LRPPRC: variants seen among roughly 807,000 people sequenced by gnomAD.
LRPPRC encodes the protein leucine-rich PPR motif-containing protein, mitochondrial.
A neutral mutation model predicts 180.3 loss-of-function variants in LRPPRC; 120 were observed. The observed-to-expected ratio is 0.67, with a 90% CI of 0.57 to 0.77. The LOEUF (loss-of-function observed/expected upper bound fraction) is 0.77, where lower values mean the gene tolerates loss of function less well. Ranked by LOEUF, LRPPRC falls within the 30% of genes least tolerant of loss-of-function variation. The pLI, the probability that LRPPRC is intolerant of heterozygous loss-of-function variation, is 0.00. For synonymous variants in LRPPRC, 723 were observed against 600.0 expected, an observed-to-expected ratio of 1.21 and a Z score of -3.00; for missense variants, 2,012 against 1,657.2, an observed-to-expected ratio of 1.21 and a Z score of -3.72.
At chr2:43,961,409 T>G (rs1673341983) in intron 12 of LRPPRC, among the ~76,000 whole-genome samples, 1 of 152,108 alleles carries the variant, frequency 6.6e-6, no homozygotes, top group Non-Finnish European at 1.5e-5. Context: ...CTCTGTCAAG[T>G]TAGGTGGATA....
chr2:43,938,417 G>C (rs114017980), intron 23 of LRPPRC, among the ~76,000 whole-genome samples: 1,957 of 152,218 alleles, frequency 0.013, 50 homozygotes, highest in African/African-American at 0.045. Context: ...TATGAGATAG[G>C]CTGGGTCCAG....
chr2:43,971,485 T>TAAAAAAAAAAA (rs528659622), intron 11 of LRPPRC, among the ~76,000 whole-genome samples: 716 of 62,348 alleles, frequency 0.011, 62 homozygotes, highest in African/African-American at 0.04. Context: ...TGTGTCACAG[T>TAAAAAAAAAAA]AAAAAAAAAA....
chr2:43,932,122 T>C (rs1198501905), intron 25 of LRPPRC, among the ~76,000 whole-genome samples: 1 of 9,472 alleles, frequency 1.1e-4, no homozygotes, highest in African/African-American at 7.0e-4. Context: ...AGACCCTGTC[T>C]CAAAAAAAAA....
At chr2:43,931,256 C>G (rs760679425) in intron 25 of LRPPRC, among the ~76,000 whole-genome samples, 5 of 152,168 alleles carry the variant, frequency 3.3e-5, no homozygotes, top group Non-Finnish European at 7.4e-5. Context: ...ATTTCGTATT[C>G]TAACCTCTTC....
chr2:43,974,367 T>C, intron 8 of LRPPRC, 72 bp from the exon 9 acceptor site: 4 of 1,132,636 alleles, frequency 3.5e-6, no homozygotes, highest in Non-Finnish European at 5.4e-6. Context: ...AATGTTCCAA[T>C]ACTGAAGACA....
At chr2:43,897,509 G>A (rs1049324936) in intron 34 of LRPPRC, among the ~76,000 whole-genome samples, 5 of 152,184 alleles carry the variant, frequency 3.3e-5, no homozygotes, top group African/African-American at 9.6e-5. Flanking sequence ...TTTACATTAC[G>A]CACTGATGTT....
At chr2:43,975,297 T>C in intron 6 of LRPPRC, 80 bp from the exon 7 acceptor site, 1 of 1,229,450 alleles carries the variant, frequency 8.1e-7, no homozygotes, top group Non-Finnish European at 1.2e-6. Flanking sequence ...ATATGCTTAT[T>C]AAAATAAAAA....
intron 14 of LRPPRC, among the ~76,000 whole-genome samples, chr2:43,951,205 ATG>A (rs1672889809): frequency 6.6e-6 from 1 of 152,248 alleles, no homozygotes; most frequent in Non-Finnish European, 1.5e-5. Flanking sequence ...AGTATCACTC[ATG>A]TGGTCTTCCA....
At chr2:43,959,915 C>T (rs138050244) in intron 13 of LRPPRC, among the ~76,000 whole-genome samples, 8 of 152,160 alleles carry the variant, frequency 5.3e-5, no homozygotes, top group Non-Finnish European at 7.4e-5. Flanking sequence ...AAATAAAGTG[C>T]AGTATGGTGA....
At chr2:43,950,183 A>G (rs919872369) in intron 15 of LRPPRC, among the ~76,000 whole-genome samples, 1 of 152,146 alleles carries the variant, frequency 6.6e-6, no homozygotes, top group Non-Finnish European at 1.5e-5. Context: ...TCTAAAGATT[A>G]AAGTGTCTAT....
intron 34 of LRPPRC, among the ~76,000 whole-genome samples, chr2:43,898,071 T>TAAAA (rs61550367): frequency 1.0e-4 from 12 of 115,936 alleles, no homozygotes; most frequent in East Asian, 2.4e-4. Context: ...TCCTTAAAAT[T>TAAAA]AAAAAAAAAA....
chr2:43,928,238 T>A (rs1349717845), intron 25 of LRPPRC, among the ~76,000 whole-genome samples: 1 of 152,174 alleles, frequency 6.6e-6, no homozygotes, highest in Non-Finnish European at 1.5e-5. Context: ...TAATCCAAAG[T>A]CAAAAATAAC....
At chr2:43,921,137 CA>C (rs1282234234) in intron 27 of LRPPRC, among the ~76,000 whole-genome samples, 2 of 152,022 alleles carry the variant, frequency 1.3e-5, no homozygotes, top group African/African-American at 4.8e-5. Flanking sequence ...ACTAAAAATA[CA>C]AAAATTAGCC....
At chr2:43,936,856 T>A (rs970209429) in intron 23 of LRPPRC, among the ~76,000 whole-genome samples, 2 of 152,182 alleles carry the variant, frequency 1.3e-5, no homozygotes, top group African/African-American at 4.8e-5. Flanking sequence ...AGAAGAGAAA[T>A]GGTACAGTAG....
intron 34 of LRPPRC, among the ~76,000 whole-genome samples, 194 bp from the exon 35 acceptor site, chr2:43,896,902 T>C (rs1289330385): frequency 2.0e-5 from 3 of 152,208 alleles, no homozygotes; most frequent in Non-Finnish European, 4.4e-5. Flanking sequence ...CTTTGGTGAA[T>C]GCTGTCCTTG....
At chr2:43,961,447 G>A (rs541585667) in intron 12 of LRPPRC, among the ~76,000 whole-genome samples, 31 of 152,228 alleles carry the variant, frequency 2.0e-4, no homozygotes, top group South Asian at 8.3e-4. Context: ...AGAGTTGCTC[G>A]ATAATATGAA....
intron 3 of LRPPRC, among the ~76,000 whole-genome samples, chr2:43,979,284 A>G (rs1674196392): frequency 6.6e-6 from 1 of 152,162 alleles, no homozygotes; most frequent in African/African-American, 2.4e-5. Context: ...CATTCTATAC[A>G]TACTGGTCTA....
In LRPPRC at chr2:43,995,903, C is replaced by T. The variant is rs1339084801; in HGVS notation, c.45G>A (p.Gly15=). 6.6e-7 allele frequency: 1 copy of T among 1,514,880 alleles called. No individual in the cohort carries two copies. The highest frequency in any genetic ancestry group is 8.8e-7 in the Non-Finnish European group (1 of 1,139,058). The allele number at this position is 1,514,880 out of a possible 1,614,324, so 93.8% of individuals were successfully genotyped here. A position where few individuals can be genotyped will look rare whatever the true frequency, so the allele number is the denominator to read the frequency against. Residue 15 remains glycine (G), a synonymous_variant, in exon 1 of 38, where the codon GGG becomes GGA. Transcript: ENST00000260665. ...LRSARWLLRA[G]AAPRLPLSLR... ...GGGAGAGCGGGAGGCGCGGGGCCGC[C>T]CCGGCACGCAGCAACCAACGCGCGG... is the stretch of plus-strand genomic sequence containing the variant.
At position 43,994,030 on chromosome 2, in the gene LRPPRC, T is replaced by A. The variant is rs557857944; in HGVS notation, c.149+1769A>T. On this transcript the variant is annotated intron_variant, in intron 1 of 37. Coordinates refer to ENST00000260665, the MANE Select transcript of LRPPRC (RefSeq NM_133259.4). ...CGAGACCACCCTTTCTACTAAACTATGTTCTCTCTTTATTCAGTTCTCCTC... is the reference window on the plus strand; with the variant it reads ...CGAGACCACCCTTTCTACTAAACTAAGTTCTCTCTTTATTCAGTTCTCCTC... Among the ~76,000 whole-genome samples the A allele has an allele frequency of 4.0e-5, 6 of 151,696 alleles. No homozygotes were observed. In the South Asian group the frequency reaches 1.2e-3, roughly 32 times the overall value.
Sources: allele counts gnomAD v4.1 joint callset (sites outside exome capture counted in the v4.1 genomes callset), GRCh38; gene constraint gnomAD v4.1.1; transcripts MANE v1.5; gene names NCBI Gene and HGNC (gene_info 2026-07-23, HGNC 2026-07-21).